VPS41: variants seen among roughly 807,000 people sequenced by gnomAD.
VPS41 encodes the protein vacuolar protein sorting-associated protein 41 homolog.
A neutral mutation model predicts 130.9 loss-of-function variants in VPS41; 85 were observed. The observed-to-expected ratio is 0.65, with a 90% CI of 0.55 to 0.78. The LOEUF is 0.78. VPS41 is among the 30% of genes least tolerant of loss of function. The pLI is 0.00. For synonymous variants in VPS41, 335 were observed against 332.9 expected (o/e 1.01, Z -0.07); for missense variants, 874 against 1,018.7 (o/e 0.86, Z 1.93).
At chr7:38,750,741 G>A (rs1197357563) in intron 22 of VPS41, among the ~76,000 whole-genome samples, 2 of 152,180 alleles carry the variant, frequency 1.3e-5, no homozygotes, top group Non-Finnish European at 2.9e-5. Context: ...TAAAGTGTGT[G>A]AGAGATATAG....
intron 25 of VPS41, among the ~76,000 whole-genome samples, chr7:38,737,269 G>A (rs1403622639): frequency 6.6e-6 from 1 of 152,070 alleles, no homozygotes; most frequent in East Asian, 1.9e-4. Context: ...CTACTCAGGA[G>A]GCTGATGCAG....
intron 14 of VPS41, among the ~76,000 whole-genome samples, chr7:38,769,270 G>A (rs1005502199): frequency 6.6e-6 from 1 of 152,106 alleles, no homozygotes; most frequent in African/African-American, 2.4e-5. Flanking sequence ...TTGAATGACA[G>A]CATTCCTGAT....
intron 3 of VPS41, among the ~76,000 whole-genome samples, chr7:38,866,935 A>G (rs1786242313): frequency 6.6e-6 from 1 of 152,240 alleles, no homozygotes; most frequent in Admixed American, 6.5e-5. Context: ...ATGAATGGAT[A>G]GACAAAACAT....
rs1784203803 is a variant in VPS41, at chr7:38,773,958, T to C, written c.1012+157A>G. ...GCTTATGCAAGTTTTGCAACATCTC[T>C]GCATCCAAATGTCCTTGTTTTCAGC... On this transcript the variant is annotated intron_variant, in intron 12 of 28. Coordinates refer to ENST00000310301, the MANE Select transcript of VPS41 (RefSeq NM_014396.4). 3.9e-5 allele frequency among the ~76,000 whole-genome samples: 6 copies of C among 152,338 alleles called. No individual in the cohort carries two copies. In the South Asian group the frequency reaches 1.2e-3, roughly 32 times the overall value.
At chr7:38,748,240 G>A (rs1310448267) in intron 22 of VPS41, among the ~76,000 whole-genome samples, 1 of 152,084 alleles carries the variant, frequency 6.6e-6, no homozygotes, top group Admixed American at 6.6e-5. Context: ...CACACACGCG[G>A]ACAATGCAGT....
intron 1 of VPS41, among the ~76,000 whole-genome samples, chr7:38,908,746 T>C (rs546023919): frequency 6.6e-6 from 1 of 152,284 alleles, no homozygotes; most frequent in African/African-American, 2.4e-5. Context: ...AAAACAAAAC[T>C]CATCGTCTAC....
intron 22 of VPS41, among the ~76,000 whole-genome samples, chr7:38,746,283 A>T (rs1232097337): frequency 6.6e-6 from 1 of 151,754 alleles, no homozygotes; most frequent in East Asian, 1.9e-4. Flanking sequence ...CCTACTATAT[A>T]TTGATAAATT....
rs1795482609 is a variant in VPS41, at chr7:38,723,738, A to AG, written c.*2507_*2508insC. 6.7e-6 allele frequency: 1 copy of AG among 149,802 alleles called. No individual in the cohort carries two copies. The highest frequency in any genetic ancestry group is 6.6e-5 in the Admixed American group (1 of 15,066). 9.3% of individuals were successfully genotyped at this position (149,802 alleles called of 1,614,324 possible). A position where few individuals can be genotyped will look rare whatever the true frequency, so the allele number is the denominator to read the frequency against. ...GACTCCATCTCAAAAAAAAAAAAAAAAAAAAAAAAAAAAAGAATAGCTTAT... is the reference window on the plus strand; with the variant it reads ...GACTCCATCTCAAAAAAAAAAAAAAAGAAAAAAAAAAAAAAGAATAGCTTAT... On this transcript the variant is annotated 3_prime_UTR_variant, in exon 29 of 29. Transcript: ENST00000310301.
At chr7:38,850,418 T>G (rs1370103051) in intron 4 of VPS41, among the ~76,000 whole-genome samples, 1 of 152,226 alleles carries the variant, frequency 6.6e-6, no homozygotes, top group Admixed American at 6.5e-5. Flanking sequence ...GAGTTCCTTA[T>G]GTAGGTAACA....
At chr7:38,819,397 T>C (rs569311651) in intron 6 of VPS41, among the ~76,000 whole-genome samples, 6 of 152,346 alleles carry the variant, frequency 3.9e-5, no homozygotes, top group African/African-American at 9.6e-5. Flanking sequence ...AACCAAAACA[T>C]GGTCGGCAAA....
chr7:38,895,858 G>C (rs1786976008), intron 2 of VPS41, among the ~76,000 whole-genome samples: 1 of 152,130 alleles, frequency 6.6e-6, no homozygotes, highest in African/African-American at 2.4e-5. Context: ...TCTGTTCTCA[G>C]ATCTCCCCAC....
At chr7:38,784,560 A>G (rs1784404346) in intron 10 of VPS41, among the ~76,000 whole-genome samples, 1 of 149,856 alleles carries the variant, frequency 6.7e-6, no homozygotes, top group African/African-American at 2.4e-5. Context: ...GCTTTGGCCC[A>G]GGAGGCTGAG....
intron 2 of VPS41, among the ~76,000 whole-genome samples, chr7:38,894,438 G>T (rs1040306684): frequency 2.7e-5 from 4 of 150,822 alleles, no homozygotes; most frequent in African/African-American, 9.7e-5. Flanking sequence ...GCAGCGGGGG[G>T]CACGGAGGCT....
chr7:38,763,925 T>C (rs1307635218), intron 16 of VPS41, among the ~76,000 whole-genome samples: 1 of 152,160 alleles, frequency 6.6e-6, no homozygotes, highest in Non-Finnish European at 1.5e-5. Flanking sequence ...CAACTGGAGT[T>C]TACCAACCTT....
intron 20 of VPS41, 31 bp downstream of exon 20, chr7:38,754,864 G>A: frequency 1.2e-6 from 2 of 1,607,780 alleles, no homozygotes; most frequent in Admixed American, 1.7e-5. Context: ...ACGTTCATCT[G>A]GTAACACATA....
At chr7:38,847,274 T>C (rs1194493079) in intron 4 of VPS41, among the ~76,000 whole-genome samples, 1 of 148,086 alleles carries the variant, frequency 6.8e-6, no homozygotes, top group Non-Finnish European at 1.5e-5. Context: ...ACTGATGTTT[T>C]AGTATCCAAA....
intron 22 of VPS41, among the ~76,000 whole-genome samples, chr7:38,751,320 A>G (rs1783668464): frequency 6.6e-6 from 1 of 152,216 alleles, no homozygotes; most frequent in Admixed American, 6.5e-5. Flanking sequence ...TGACTTTCAA[A>G]AGTATCTGGC....
chr7:38,743,517 G>A lies in VPS41; in HGVS notation c.2007C>T (p.Ala669=). 1 of 1,613,730 alleles carries A rather than the reference G, an allele frequency of 6.2e-7. No homozygotes were observed. Among genetic ancestry groups the A allele is most frequent in the African/African-American group, 1.3e-5 (1 of 74,978 alleles). The change falls in exon 24 of 29, where the codon GCC becomes GCT. Residue 669 remains alanine (A), a synonymous_variant. Coordinates refer to ENST00000310301, the MANE Select transcript of VPS41 (RefSeq NM_014396.4). ...GTAATTCCTCCATAATCATCTTCAGGGCACTTCGGCTATTACCCATTCGGC... is the reference window on the plus strand; with the variant it reads ...GTAATTCCTCCATAATCATCTTCAGAGCACTTCGGCTATTACCCATTCGGC... ...LLSRMGNSRS[A]LKMIMEELHD...
intron 2 of VPS41, among the ~76,000 whole-genome samples, chr7:38,872,644 C>T (rs1009491836): frequency 1.3e-5 from 2 of 152,090 alleles, no homozygotes; most frequent in African/African-American, 4.8e-5. Context: ...TCCATAGGGC[C>T]TACACATTTC....
Sources: allele counts gnomAD v4.1 joint callset (sites outside exome capture counted in the v4.1 genomes callset), GRCh38; gene constraint gnomAD v4.1.1; transcripts MANE v1.5; gene names NCBI Gene and HGNC (gene_info 2026-07-23, HGNC 2026-07-21).